HOXD11: variants seen among roughly 807,000 people sequenced by gnomAD.
HOXD11 encodes the protein homeobox D11.
In HOXD11, 16 loss-of-function variants were observed where a neutral mutation model predicts 23.1. That is an observed-to-expected ratio of 0.69 (90% CI 0.47 to 1.05). HOXD11 has a LOEUF of 1.05. Among genes scored for constraint, HOXD11 ranks in the 50% least tolerant of loss-of-function variants. The pLI is 0.00. For missense variants in HOXD11, 564 were observed against 495.6 expected (o/e 1.14, Z -1.31); for synonymous variants, 262 against 224.4 (o/e 1.17, Z -1.50).
rs750381609 is a variant in HOXD11, at chr2:176,107,401, C to T, written c.46C>T (p.Leu16=). The T allele has an allele frequency of 6.2e-7, 1 of 1,613,482 alleles. No individual in the cohort carries two copies. Among genetic ancestry groups the T allele is most frequent in the Non-Finnish European group, 8.5e-7 (1 of 1,179,780 alleles). The change falls in exon 1 of 2, where the codon CTG becomes TTG. Residue 16 remains leucine (L), a synonymous_variant. Transcript: ENST00000249504. ...ECGQSAASMY[L]PGCAYYVAPS... ...CGGCCAGAGCGCAGCCAGCATGTAC[C>T]TGCCGGGCTGCGCCTACTATGTGGC...
rs1359248460 is a variant in HOXD11, at chr2:176,107,711, C to A, written c.356C>A (p.Ala119Glu). 4 of 1,082,082 alleles carry A rather than the reference C, an allele frequency of 3.7e-6. No individual in the cohort carries two copies. The highest frequency in any genetic ancestry group is 4.5e-6 in the Non-Finnish European group (4 of 895,864). The allele number at this position is 1,082,082 out of a possible 1,614,324, so 67.0% of individuals were successfully genotyped here. A position where few individuals can be genotyped will look rare whatever the true frequency, so the allele number is the denominator to read the frequency against. The change falls in exon 1 of 2, where the codon GCG (alanine) becomes GAG (glutamate). Residue 119 changes from alanine (A) to glutamate (E), a missense_variant. Transcript: ENST00000249504. ...GCGGCGGCGGCTGCGGCGGCCGCGG[C>A]GGCCGAGGAGGCGGCCATGCAACGC... is the stretch of plus-strand genomic sequence containing the variant. ...AAAAAAAAAA[A>E]AEEAAMQREL...
At position 176,107,409 on chromosome 2, in the gene HOXD11, C is replaced by A; in HGVS notation, c.54C>A (p.Gly18=). 1.2e-6 allele frequency: 2 copies of A among 1,613,714 alleles called. No individual in the cohort carries two copies. Among genetic ancestry groups the A allele is most frequent in the Non-Finnish European group, 1.7e-6 (2 of 1,179,860 alleles). Residue 18 remains glycine (G), a synonymous_variant, in exon 1 of 2, where the codon GGC becomes GGA. Coordinates refer to ENST00000249504, the MANE Select transcript of HOXD11 (RefSeq NM_021192.3). ...GQSAASMYLP[G]CAYYVAPSDF... ...GCGCAGCCAGCATGTACCTGCCGGG[C>A]TGCGCCTACTATGTGGCCCCGTCTG...
At position 176,107,517 on chromosome 2, in the gene HOXD11, C is replaced by A; in HGVS notation, c.162C>A (p.His54Gln). 1 of 1,613,564 alleles carries A rather than the reference C, an allele frequency of 6.2e-7. No homozygotes were observed. Among genetic ancestry groups the A allele is most frequent in the Non-Finnish European group, 8.5e-7 (1 of 1,179,802 alleles). The change falls in exon 1 of 2, where the codon CAC becomes CAA. Residue 54 changes from histidine (H) to glutamine (Q), a missense_variant. His to Gln is a conservative substitution (Grantham distance 24). Coordinates refer to ENST00000249504, the MANE Select transcript of HOXD11 (RefSeq NM_021192.3). ...CCTACTCTTCCAACCTGGCTCCGCACGTCCAGCCCGTGCGCGAAGTGGCCT... is the reference window on the plus strand; with the variant it reads ...CCTACTCTTCCAACCTGGCTCCGCAAGTCCAGCCCGTGCGCGAAGTGGCCT... ...TFPYSSNLAP[H>Q]VQPVREVAFR...
Position 176,109,237 on chromosome 2 carries a change from C to T in HOXD11, c.*95C>T, listed in dbSNP as rs1689641582. On this transcript the variant is annotated 3_prime_UTR_variant, in exon 2 of 2. Coordinates refer to ENST00000249504, the MANE Select transcript of HOXD11 (RefSeq NM_021192.3). ...GGCCCACTGTCCTTGGGTTTAATGA[C>T]GTCTCTTCTCTGTGGAACTTCACGA... The T allele has an allele frequency of 2.6e-6, 2 of 756,524 alleles. No individual in the cohort carries two copies. The highest frequency in any genetic ancestry group is 1.7e-5 in the South Asian group (1 of 59,962). 46.9% of individuals were successfully genotyped at this position (756,524 alleles called of 1,614,324 possible).
At chr2:176,111,624 A>G (rs1559115367), downstream of HOXD11, 1 of 151,448 alleles carries the variant, frequency 6.6e-6, no homozygotes, top group Non-Finnish European at 1.5e-5. Context: ...TTGTCTCTTT[A>G]AAGACAAAGC....
chr2:176,108,178 C>T, intron 1 of HOXD11, 42 bp downstream of exon 1: 1 of 12,662 alleles, frequency 7.9e-5, no homozygotes. Context: ...CCGGGGGCCG[C>T]GGGGGAGGGG....
the HOXD11 span, among the ~76,000 whole-genome samples, chr2:176,115,514 G>A: frequency 6.6e-6 from 1 of 152,182 alleles, no homozygotes; most frequent in African/African-American, 2.4e-5. Flanking sequence ...CGATTGATTT[G>A]TTAATAAAGT....
chr2:176,113,040 G>A (rs1689699401), downstream of HOXD11, among the ~76,000 whole-genome samples: 1 of 152,226 alleles, frequency 6.6e-6, no homozygotes, highest in Admixed American at 6.5e-5. Context: ...AGGTTCTCCG[G>A]CCGCCGGCCC....
chr2:176,109,375 C>T lies in HOXD11; in HGVS notation c.*233C>T, dbSNP rs1286832325. 2.0e-6 allele frequency: 1 copy of T among 507,512 alleles called. No individual in the cohort carries two copies. Among genetic ancestry groups the T allele is most frequent in the Non-Finnish European group, 3.5e-6 (1 of 284,844 alleles). The allele number at this position is 507,512 out of a possible 1,614,324, so 31.4% of individuals were successfully genotyped here. ...GGGAAAATGGTAAATGCAAACGTCC[C>T]GTTACAATTTTACCGCCAGTGTGCT... On this transcript the variant is annotated 3_prime_UTR_variant, in exon 2 of 2. Coordinates refer to ENST00000249504, the MANE Select transcript of HOXD11 (RefSeq NM_021192.3).
In HOXD11 at chr2:176,107,575, C is replaced by T. The variant is rs781565763; in HGVS notation, c.220C>T (p.Pro74Ser). The T allele has an allele frequency of 1.8e-5, 27 of 1,478,012 alleles. No individual in the cohort carries two copies. In the East Asian group the frequency reaches 6.3e-4, roughly 34 times the overall value. 91.6% of individuals were successfully genotyped at this position (1,478,012 alleles called of 1,614,324 possible). The change falls in exon 1 of 2, where the codon CCG becomes TCG. Residue 74 changes from proline (P) to serine (S), a missense_variant. Pro to Ser is a moderately conservative substitution (Grantham distance 74). Coordinates refer to ENST00000249504, the MANE Select transcript of HOXD11 (RefSeq NM_021192.3). ...CTACGGCCTGGAGCGCGCCAAGTGG[C>T]CGTACCGCGGCGGCGGCGGCGGCGG... ...RDYGLERAKW[P>S]YRGGGGGGSA...
rs539589763 is a variant in HOXD11, at chr2:176,107,505, C to T, written c.150C>T (p.Asn50=). The change falls in exon 1 of 2, where the codon AAC becomes AAT. Residue 50 remains asparagine, a synonymous_variant. Coordinates refer to ENST00000249504, the MANE Select transcript of HOXD11 (RefSeq NM_021192.3). ...AGATGACTTTCCCCTACTCTTCCAA[C>T]CTGGCTCCGCACGTCCAGCCCGTGC... ...SCQMTFPYSS[N]LAPHVQPVRE... is the part of the protein sequence containing the mutation. The T allele has an allele frequency of 1.5e-5, 24 of 1,613,836 alleles. No individual in the cohort carries two copies. Among genetic ancestry groups the T allele is most frequent in the Admixed American group, 5.0e-5 (3 of 60,020 alleles).
intron 1 of HOXD11, among the ~76,000 whole-genome samples, chr2:176,108,546 G>C (rs900907862): frequency 6.6e-6 from 1 of 151,944 alleles, no homozygotes; most frequent in African/African-American, 2.4e-5. Context: ...GCTAGCTGAC[G>C]CGCGCCGCTG....
Position 176,107,370 on chromosome 2 carries a change from C to A in HOXD11, c.15C>A (p.Asp5Glu), listed in dbSNP as rs373484117. Residue 5 changes from aspartate to glutamate, a missense_variant, in exon 1 of 2, where the codon GAC becomes GAA. Physicochemically the swap from Asp to Glu is conservative, Grantham distance 45 (BLOSUM62 2). Transcript: ENST00000249504. MNDF[D>E]ECGQSAASMY... is the part of the protein sequence containing the mutation. ...GCCGCGGAGTCATGAACGACTTTGACGAGTGCGGCCAGAGCGCAGCCAGCA... is the reference window on the plus strand; with the variant it reads ...GCCGCGGAGTCATGAACGACTTTGAAGAGTGCGGCCAGAGCGCAGCCAGCA... 3 of 1,606,848 alleles carry A rather than the reference C, an allele frequency of 1.9e-6. No homozygotes were observed. The highest frequency in any genetic ancestry group is 1.3e-5 in the African/African-American group (1 of 74,724).
At chr2:176,110,703 A>G (rs185030553), downstream of HOXD11, among the ~76,000 whole-genome samples, 8 of 152,318 alleles carry the variant, frequency 5.3e-5, no homozygotes, top group East Asian at 1.3e-3. Context: ...ACCCACTCTC[A>G]CACATACATG....
In HOXD11 at chr2:176,109,274, G is replaced by A; in HGVS notation, c.*132G>A. 1 of 657,138 alleles carries A rather than the reference G, an allele frequency of 1.5e-6. No homozygotes were observed. Among genetic ancestry groups the A allele is most frequent in the Non-Finnish European group, 2.7e-6 (1 of 371,498 alleles). The allele number at this position is 657,138 out of a possible 1,614,324, so 40.7% of individuals were successfully genotyped here. On this transcript the variant is annotated 3_prime_UTR_variant, in exon 2 of 2. Transcript: ENST00000249504. ...GTGGAACTTCACGATTCCTTCCCAC[G>A]GTCAACTCGGGACCTCCCAGCGACC... is the stretch of plus-strand genomic sequence containing the variant.
chr2:176,108,096 C>T lies in HOXD11; in HGVS notation c.741C>T (p.Gly247=), dbSNP rs1258065279. The T allele has an allele frequency of 1.3e-5, 18 of 1,425,130 alleles. No individual in the cohort carries two copies. The highest frequency in any genetic ancestry group is 3.2e-5 in the East Asian group (1 of 31,140). 88.3% of individuals were successfully genotyped at this position (1,425,130 alleles called of 1,614,324 possible). Residue 247 remains glycine (G), a synonymous_variant, in exon 1 of 2, where the codon GGC becomes GGT. Transcript: ENST00000249504. ...AAEGSGGDGE[G]PPGEAGAEKS... is the part of the protein sequence containing the mutation. ...AAGGCAGCGGTGGCGACGGCGAGGG[C>T]CCCCCGGGAGAGGCGGGGGCCGAGA... is the stretch of plus-strand genomic sequence containing the variant.
rs1359318364 is a variant in HOXD11, at chr2:176,108,051, G to A, written c.696G>A (p.Ser232=). The part of the protein sequence containing the change: ...GSPCTKATPG[S]EPKGAAEGSG... ...CCTGCACCAAGGCGACCCCTGGCTC[G>A]GAGCCCAAGGGGGCAGCAGAAGGCA... Residue 232 remains serine, a synonymous_variant, in exon 1 of 2, where the codon TCG becomes TCA. Coordinates refer to ENST00000249504, the MANE Select transcript of HOXD11 (RefSeq NM_021192.3). The A allele has an allele frequency of 2.7e-6, 4 of 1,487,706 alleles. No individual in the cohort carries two copies. Among genetic ancestry groups the A allele is most frequent in the Admixed American group, 2.2e-5 (1 of 46,080 alleles). 92.2% of individuals were successfully genotyped at this position (1,487,706 alleles called of 1,614,324 possible). A position where few individuals can be genotyped will look rare whatever the true frequency, so the allele number is the denominator to read the frequency against.
Position 176,107,818 on chromosome 2 carries a change from C to T in HOXD11, c.463C>T (p.His155Tyr), listed in dbSNP as rs1418358203. The T allele has an allele frequency of 1.4e-6, 2 of 1,409,700 alleles. No individual in the cohort carries two copies. Among genetic ancestry groups the T allele is most frequent in the African/African-American group, 1.5e-5 (1 of 65,936 alleles). 87.3% of individuals were successfully genotyped at this position (1,409,700 alleles called of 1,614,324 possible). ...EPVCAAPGPP[H>Y]GPAGAASNFY... ...GGTGTGCGCTGCGCCGGGGCCGCCGCACGGCCCCGCGGGCGCCGCCTCCAA... is the reference window on the plus strand; with the variant it reads ...GGTGTGCGCTGCGCCGGGGCCGCCGTACGGCCCCGCGGGCGCCGCCTCCAA... The change falls in exon 1 of 2, where the codon CAC becomes TAC. Residue 155 changes from histidine (H) to tyrosine (Y), a missense_variant. Coordinates refer to ENST00000249504, the MANE Select transcript of HOXD11 (RefSeq NM_021192.3).
Position 176,107,412 on chromosome 2 carries a change from C to T in HOXD11, c.57C>T (p.Cys19=), listed in dbSNP as rs553694391. 1 of 1,613,736 alleles carries T rather than the reference C, an allele frequency of 6.2e-7. No homozygotes were observed. The highest frequency in any genetic ancestry group is 1.1e-5 in the South Asian group (1 of 91,018). ...CAGCCAGCATGTACCTGCCGGGCTG[C>T]GCCTACTATGTGGCCCCGTCTGACT... ...QSAASMYLPG[C]AYYVAPSDFA... is the part of the protein sequence containing the mutation. The change falls in exon 1 of 2, where the codon TGC becomes TGT. Residue 19 remains cysteine, a synonymous_variant. Coordinates refer to ENST00000249504, the MANE Select transcript of HOXD11 (RefSeq NM_021192.3).
Sources: allele counts gnomAD v4.1 joint callset (sites outside exome capture counted in the v4.1 genomes callset), GRCh38; gene constraint gnomAD v4.1.1; transcripts MANE v1.5; gene names NCBI Gene and HGNC (gene_info 2026-07-23, HGNC 2026-07-21).